The following STARD13 variants were observed in gnomAD, a reference collection of about 807,000 sequenced individuals.
The protein encoded by STARD13 is stAR-related lipid transfer protein 13.
Under a neutral mutation model 106.4 loss-of-function variants are expected in STARD13, and 62 were observed. The ratio of observed to expected loss-of-function variants is 0.58; its 90% CI spans 0.48 to 0.72. The LOEUF (loss-of-function observed/expected upper bound fraction) is 0.72. Among genes scored for constraint, STARD13 ranks in the 30% least tolerant of loss-of-function variants. The pLI, the probability that STARD13 is intolerant of heterozygous loss-of-function variation, is 0.00. For missense variants in STARD13, 1,387 were observed against 1,424.0 expected (o/e 0.97, Z 0.42); for synonymous variants, 565 against 553.0 (o/e 1.02, Z -0.31).
At chr13:33,662,875 T>TA in the STARD13 span, among the ~76,000 whole-genome samples, 2 of 152,168 alleles carry the variant, frequency 1.3e-5, no homozygotes, top group Non-Finnish European at 2.9e-5. Context: ...ACGCTCTCCC[T>TA]AAAAAAATTT....
the STARD13 span, among the ~76,000 whole-genome samples, chr13:33,638,262 A>T: frequency 6.6e-6 from 1 of 152,198 alleles, no homozygotes; most frequent in Non-Finnish European, 1.5e-5. Flanking sequence ...GACATAAGAC[A>T]TCAATCAATA....
At chr13:33,365,725 T>A in the STARD13 span, among the ~76,000 whole-genome samples, 6 of 152,216 alleles carry the variant, frequency 3.9e-5, no homozygotes. Flanking sequence ...ACCCATGAAC[T>A]ATAAATTCAT....
At chr13:33,399,439 A>C in the STARD13 span, among the ~76,000 whole-genome samples, 2 of 152,146 alleles carry the variant, frequency 1.3e-5, no homozygotes, top group South Asian at 2.1e-4. Flanking sequence ...TCACACCTGT[A>C]ATCCCAGGAC....
At chr13:33,626,306 A>G in the STARD13 span, among the ~76,000 whole-genome samples, 2 of 152,354 alleles carry the variant, frequency 1.3e-5, no homozygotes, top group South Asian at 4.1e-4. Flanking sequence ...GTCTTCCTTC[A>G]GTACCTCACG....
At chr13:33,607,299 C>CTTTTTTTT in the STARD13 span, among the ~76,000 whole-genome samples, 1 of 137,426 alleles carries the variant, frequency 7.3e-6, no homozygotes, top group Admixed American at 7.3e-5. Context: ...ATCATTGTTT[C>CTTTTTTTT]TTTTTTTTTT....
At chr13:33,533,437 C>T in the STARD13 span, among the ~76,000 whole-genome samples, 1 of 152,072 alleles carries the variant, frequency 6.6e-6, no homozygotes, top group Non-Finnish European at 1.5e-5. Flanking sequence ...CAAAAGGTAA[C>T]CAGAGGATGT....
chr13:33,655,122 G>A, the STARD13 span, among the ~76,000 whole-genome samples: 76 of 152,318 alleles, frequency 5.0e-4, no homozygotes, highest in African/African-American at 1.7e-3. Flanking sequence ...TTAATGGGAC[G>A]AGCAGACCTA....
chr13:33,464,037 A>ATATATATGTATATGTATATGTATATG, the STARD13 span, among the ~76,000 whole-genome samples: 56 of 141,020 alleles, frequency 4.0e-4, no homozygotes, highest in African/African-American at 1.4e-3. Context: ...ATATATATAT[A>ATATATATGTATATGTATATGTATATG]TATATGTATA....
At chr13:33,475,952 T>A in the STARD13 span, among the ~76,000 whole-genome samples, 2 of 151,534 alleles carry the variant, frequency 1.3e-5, no homozygotes, top group East Asian at 3.9e-4. Context: ...CAAGACTCTG[T>A]CTCAAAAATA....
chr13:33,134,718 G>C (rs570294306), intron 4 of STARD13, among the ~76,000 whole-genome samples: 5 of 152,338 alleles, frequency 3.3e-5, no homozygotes, highest in African/African-American at 1.2e-4. Flanking sequence ...AGTTATTGTT[G>C]TTAGAGAATA....
chr13:33,206,217 AC>A lies in STARD13; in HGVS notation c.170-38596del, dbSNP rs1238980053. Among the ~76,000 whole-genome samples the A allele has an allele frequency of 2.0e-5, 3 of 151,908 alleles. No homozygotes were observed. The South Asian group carries it at 6.3e-4, about 32-fold the overall frequency. On this transcript the variant is annotated intron_variant, in intron 1 of 13. Coordinates refer to ENST00000336934, the MANE Select transcript of STARD13 (RefSeq NM_178006.4). ...AAGGGGGGTGCTCCTTCTCCTAGGCACCCCCACCGCTAGTGTCAGGTGCCTT... is the reference window on the plus strand; with the variant it reads ...AAGGGGGGTGCTCCTTCTCCTAGGCACCCCACCGCTAGTGTCAGGTGCCTT...
the STARD13 span, among the ~76,000 whole-genome samples, chr13:33,594,793 T>G: frequency 6.6e-6 from 1 of 152,250 alleles, no homozygotes; most frequent in South Asian, 2.1e-4. Context: ...ACTGGTTCAC[T>G]GAGCAGAATA....
chr13:33,370,599 T>TTTTC, the STARD13 span, among the ~76,000 whole-genome samples: 380 of 151,290 alleles, frequency 2.5e-3, 5 homozygotes, highest in African/African-American at 7.5e-3. Flanking sequence ...CTTTCTTTTC[T>TTTTC]TTTCTTTCTT....
intron 1 of STARD13, among the ~76,000 whole-genome samples, chr13:33,302,242 T>A (rs1297716079): frequency 3.3e-5 from 5 of 152,112 alleles, no homozygotes; most frequent in African/African-American, 1.2e-4. Context: ...GAACTGACAA[T>A]AATATTTGTT....
intron 1 of STARD13, among the ~76,000 whole-genome samples, chr13:33,171,959 A>G (rs1210458795): frequency 1.3e-5 from 2 of 152,224 alleles, no homozygotes; most frequent in East Asian, 3.8e-4. Context: ...TACCATGGGC[A>G]TGAGAACAAA....
the STARD13 span, among the ~76,000 whole-genome samples, chr13:33,662,243 C>T: frequency 6.2e-5 from 9 of 145,674 alleles, no homozygotes; most frequent in African/African-American, 2.4e-4. Flanking sequence ...GCCTGGGCGA[C>T]AGAGCAAGAC....
intron 7 of STARD13, among the ~76,000 whole-genome samples, chr13:33,122,256 T>A (rs512890): frequency 0.3 from 46,067 of 152,100 alleles, 8,132 homozygotes; most frequent in Non-Finnish European, 0.41. Flanking sequence ...TGTTGGGATT[T>A]TAAGTGTGAG....
At chr13:33,517,761 T>C in the STARD13 span, among the ~76,000 whole-genome samples, 1 of 152,160 alleles carries the variant, frequency 6.6e-6, no homozygotes, top group Admixed American at 6.6e-5. Flanking sequence ...ACTCTTGCAA[T>C]TGTGATTTGC....
chr13:33,634,102 A>G, the STARD13 span, among the ~76,000 whole-genome samples: 1 of 152,248 alleles, frequency 6.6e-6, no homozygotes, highest in Non-Finnish European at 1.5e-5. Flanking sequence ...TGGCCATCAT[A>G]TAAACATGGA....
Sources: gnomAD v4.1 joint callset for allele counts (sites outside exome capture counted in the v4.1 genomes callset) on GRCh38, gnomAD v4.1.1 for gene constraint, MANE v1.5 for transcripts, NCBI Gene and HGNC (gene_info 2026-07-23, HGNC 2026-07-21) for gene names.